The following KIF13A variants were observed in gnomAD, a reference collection of about 807,000 sequenced individuals.
The protein encoded by KIF13A is kinesin family member 13A.
Under a neutral mutation model 212.2 loss-of-function variants are expected in KIF13A, and 79 were observed. The observed-to-expected ratio is 0.37, with a 90% confidence interval of 0.31 to 0.45. KIF13A has a LOEUF of 0.45. Among genes scored for constraint, KIF13A ranks in the 20% least tolerant of loss-of-function variants. The pLI is 1.00. For missense variants in KIF13A, 1,901 were observed against 2,209.0 expected (o/e 0.86, Z 2.79); for synonymous variants, 789 against 808.6 (o/e 0.98, Z 0.41).
intron 12 of KIF13A, among the ~76,000 whole-genome samples, chr6:17,832,186 A>G (rs766171843): frequency 4.6e-5 from 7 of 152,200 alleles, no homozygotes; most frequent in Non-Finnish European, 8.8e-5. Flanking sequence ...CAAATGATCA[A>G]TGAGATTAAA....
intron 18 of KIF13A, among the ~76,000 whole-genome samples, chr6:17,807,846 A>G (rs1325119414): frequency 6.6e-6 from 1 of 152,048 alleles, no homozygotes; most frequent in Non-Finnish European, 1.5e-5. Flanking sequence ...CTTTCTCTTT[A>G]TTTCTCAGCT....
intron 2 of KIF13A, among the ~76,000 whole-genome samples, chr6:17,909,444 G>A (rs1773825888): frequency 6.6e-6 from 1 of 151,332 alleles, no homozygotes; most frequent in South Asian, 2.1e-4. Context: ...GTTGAGGCAG[G>A]AGAATCGCTG....
chr6:17,814,295 C>T lies in KIF13A; in HGVS notation c.2000+2725G>A, dbSNP rs1446261350. Among the ~76,000 whole-genome samples, 3 of 130,088 alleles carry T rather than the reference C, an allele frequency of 2.3e-5. No homozygotes were observed. In the East Asian group the frequency reaches 7.6e-4, roughly 33 times the overall value. The allele number at this position is 130,088 out of a possible 152,430, so 85.3% of individuals were successfully genotyped here. On this transcript the variant is annotated intron_variant, in intron 17 of 38. Transcript: ENST00000259711. Reference sequence around the variant, plus strand: ...AGACAGTCTTGCTCTGTCACCCAGGCTAGAGTGCAGTGGCGTGATCTCAGA... The same window carrying T: ...AGACAGTCTTGCTCTGTCACCCAGGTTAGAGTGCAGTGGCGTGATCTCAGA...
intron 2 of KIF13A, among the ~76,000 whole-genome samples, chr6:17,908,620 T>G (rs534823968): frequency 1.9e-3 from 281 of 151,794 alleles, no homozygotes; most frequent in Admixed American, 5.4e-3. Flanking sequence ...AAAATTAAAA[T>G]GAACTCAAAA....
At chr6:17,909,982 T>A (rs1773895443) in intron 2 of KIF13A, among the ~76,000 whole-genome samples, 1 of 152,182 alleles carries the variant, frequency 6.6e-6, no homozygotes. Flanking sequence ...TAAACTATGA[T>A]ATTAATTTCT....
chr6:17,774,977 A>AACTAAAACC (rs775643529), intron 35 of KIF13A, 38 bp downstream of exon 35: 2 of 1,548,240 alleles, frequency 1.3e-6, no homozygotes, highest in Non-Finnish European at 1.8e-6. Flanking sequence ...CCAGACTAAG[A>AACTAAAACC]TTCTACTAAA....
At chr6:17,902,466 T>C (rs374018191) in intron 2 of KIF13A, among the ~76,000 whole-genome samples, 2 of 152,264 alleles carry the variant, frequency 1.3e-5, no homozygotes, top group East Asian at 3.8e-4. Flanking sequence ...AGTAGTTCTA[T>C]TTTTGTAAAA....
At chr6:17,788,230 A>T (rs1234147714) in intron 26 of KIF13A, among the ~76,000 whole-genome samples, 1 of 152,250 alleles carries the variant, frequency 6.6e-6, no homozygotes, top group Non-Finnish European at 1.5e-5. Flanking sequence ...GAAGGACAGC[A>T]TGAACAGAGC....
chr6:17,970,222 G>A (rs1169396786), intron 2 of KIF13A, among the ~76,000 whole-genome samples: 3 of 151,802 alleles, frequency 2.0e-5, no homozygotes, highest in East Asian at 1.9e-4. Flanking sequence ...GCGCCCGGCC[G>A]TGTTTTCTTA....
chr6:17,826,007 G>A lies in KIF13A; in HGVS notation c.1619+31C>T, dbSNP rs760508026. 28 of 1,609,722 alleles carry A rather than the reference G, an allele frequency of 1.7e-5. No individual in the cohort carries two copies. The highest frequency in any genetic ancestry group is 3.3e-5 in the South Asian group (3 of 90,820). On this transcript the variant is annotated intron_variant, in intron 15 of 38. Coordinates refer to ENST00000259711, the MANE Select transcript of KIF13A (RefSeq NM_022113.6). The surrounding 1 kb of genome is among the most constrained non-coding windows in gnomAD (Gnocchi z 4.7). ...AATAGATAACAGAAAAAATGTATAC[G>A]AAAATATATTACAGAACACAAAGAT...
chr6:17,859,637 TA>T (rs1414256436), intron 4 of KIF13A, among the ~76,000 whole-genome samples: 2,001 of 100,848 alleles, frequency 0.02, 91 homozygotes, highest in Non-Finnish European at 0.025. Flanking sequence ...TATATATATA[TA>T]TTTTTTTTTT....
At chr6:17,924,299 G>A (rs960440506) in intron 2 of KIF13A, among the ~76,000 whole-genome samples, 1 of 152,176 alleles carries the variant, frequency 6.6e-6, no homozygotes, top group African/African-American at 2.4e-5. Flanking sequence ...ACTAGTTAGA[G>A]CTGGTGACAA....
At position 17,872,418 on chromosome 6, in the gene KIF13A, C is replaced by T. The variant is rs562769091; in HGVS notation, c.220+959G>A. ...TCAGTAGGAAGAAATAGTTCACGAGCTCTATTGTACAACACGGTGACTATA... is the reference window on the plus strand; with the variant it reads ...TCAGTAGGAAGAAATAGTTCACGAGTTCTATTGTACAACACGGTGACTATA... On this transcript the variant is annotated intron_variant, in intron 4 of 38. Coordinates refer to ENST00000259711, the MANE Select transcript of KIF13A (RefSeq NM_022113.6). The surrounding 1 kb of genome is among the most constrained non-coding windows in gnomAD (Gnocchi z 4.7). Among the ~76,000 whole-genome samples the T allele has an allele frequency of 6.6e-6, 1 of 152,224 alleles. No individual in the cohort carries two copies. The highest frequency in any genetic ancestry group is 2.4e-5 in the African/African-American group (1 of 41,542).
intron 18 of KIF13A, 88 bp downstream of exon 18, chr6:17,808,680 G>T: frequency 7.9e-7 from 1 of 1,259,396 alleles, no homozygotes; most frequent in Non-Finnish European, 1.1e-6. Context: ...GATCTCCTCA[G>T]GCATGTTTCT....
intron 17 of KIF13A, among the ~76,000 whole-genome samples, chr6:17,815,387 C>G (rs911164107): frequency 1.3e-5 from 2 of 152,146 alleles, no homozygotes; most frequent in Admixed American, 6.5e-5. Flanking sequence ...TCTAACTCCC[C>G]CGGGAAAAGG....
intron 20 of KIF13A, among the ~76,000 whole-genome samples, chr6:17,803,543 T>G (rs913081615): frequency 6.6e-6 from 1 of 152,208 alleles, no homozygotes; most frequent in Non-Finnish European, 1.5e-5. Flanking sequence ...CTGAAATATC[T>G]TATGCCTACC....
In KIF13A at chr6:17,898,079, GA is replaced by G; in HGVS notation, c.159+88del. Reference sequence around the variant, plus strand: ...GGATGCTGTTTTCAGTTCTCAATGAGACAGATGTTCTACATGGGTTACAGTG... The same window carrying G: ...GGATGCTGTTTTCAGTTCTCAATGAGCAGATGTTCTACATGGGTTACAGTG... On this transcript the variant is annotated intron_variant, in intron 3 of 38. Transcript: ENST00000259711. This position sits in a 1 kb window ranked among gnomAD's most constrained non-coding sequence, Gnocchi z 5.2. The G allele has an allele frequency of 8.2e-7, 1 of 1,217,088 alleles. No homozygotes were observed. Among genetic ancestry groups the G allele is most frequent in the South Asian group, 1.3e-5 (1 of 74,376 alleles). The allele number at this position is 1,217,088 out of a possible 1,614,324, so 75.4% of individuals were successfully genotyped here. A position where few individuals can be genotyped will look rare whatever the true frequency, so the allele number is the denominator to read the frequency against.
intron 2 of KIF13A, among the ~76,000 whole-genome samples, chr6:17,975,070 G>A (rs1268779154): frequency 2.0e-5 from 3 of 152,172 alleles, no homozygotes; most frequent in Admixed American, 6.5e-5. Context: ...CCAGCTGGGC[G>A]CAGTGGTTCA....
Position 17,968,072 on chromosome 6 carries a change from G to T in KIF13A, c.146+18982C>A, listed in dbSNP as rs1007245191. On this transcript the variant is annotated intron_variant, in intron 2 of 38. Transcript: ENST00000259711. The surrounding 1 kb of genome is among the most constrained non-coding windows in gnomAD (Gnocchi z 4.7). ...GAGAACCCCTGGGGGACTGACAAAC[G>T]TAGGCATATTATTTGACATGTGTGC... Among the ~76,000 whole-genome samples, 1 of 152,154 alleles carries T rather than the reference G, an allele frequency of 6.6e-6. No individual in the cohort carries two copies. The highest frequency in any genetic ancestry group is 1.5e-5 in the Non-Finnish European group (1 of 68,036).
Sources: gnomAD v4.1 joint callset for allele counts (sites outside exome capture counted in the v4.1 genomes callset) on GRCh38, gnomAD v4.1.1 for gene constraint, Gnocchi (gnomAD v3.1) non-coding constraint, MANE v1.5 for transcripts, NCBI Gene and HGNC (gene_info 2026-07-23, HGNC 2026-07-21) for gene names.